The following ENAH variants were observed in gnomAD, a reference collection of about 807,000 sequenced individuals.
The protein encoded by ENAH is ENAH actin regulator.
A neutral mutation model predicts 78.7 loss-of-function variants in ENAH; 23 were observed. The ratio of observed to expected loss-of-function variants is 0.29; its 90% CI spans 0.21 to 0.41. The LOEUF (loss-of-function observed/expected upper bound fraction) is 0.41. Ranked by LOEUF, ENAH falls within the 10% of genes least tolerant of loss-of-function variation. ENAH has a pLI of 1.00. For missense variants in ENAH, 544 were observed against 691.0 expected (o/e 0.79, Z 2.39); for synonymous variants, 226 against 241.0 (o/e 0.94, Z 0.58).
intron 1 of ENAH, among the ~76,000 whole-genome samples, chr1:225,604,621 C>CAAAAAAAAAA (rs762454618): frequency 1.1e-5 from 1 of 88,940 alleles, no homozygotes; most frequent in African/African-American, 3.8e-5. Context: ...CCGTCTCTAC[C>CAAAAAAAAAA]AAAAAAAAAA....
intron 11 of ENAH, among the ~76,000 whole-genome samples, chr1:225,503,676 A>AAAC (rs1553413081): frequency 1.5e-3 from 228 of 149,270 alleles, no homozygotes; most frequent in African/African-American, 5.3e-3. Flanking sequence ...AAAAAAAAAA[A>AAAC]AACACAAAAC....
At chr1:225,501,372 T>C (rs1331800172) in intron 11 of ENAH, 4 of 276,000 alleles carry the variant, frequency 1.4e-5, no homozygotes, top group Non-Finnish European at 2.7e-5. Flanking sequence ...ACGTGGCACG[T>C]TGACCAAAAC....
intron 11 of ENAH, 39 bp downstream of exon 11, chr1:225,507,912 T>C: frequency 7.1e-6 from 10 of 1,404,540 alleles, no homozygotes; most frequent in African/African-American, 1.5e-5. Context: ...TTTTTTTTTA[T>C]ACAAATAAAA....
intron 3 of ENAH, among the ~76,000 whole-genome samples, chr1:225,544,918 C>G (rs2096606316): frequency 6.6e-6 from 1 of 152,110 alleles, no homozygotes; most frequent in Non-Finnish European, 1.5e-5. Context: ...ACAACAGTTA[C>G]TGCTATTAAA....
At chr1:225,577,797 C>T (rs1245265909) in intron 1 of ENAH, among the ~76,000 whole-genome samples, 2 of 151,998 alleles carry the variant, frequency 1.3e-5, no homozygotes, top group African/African-American at 2.4e-5. Context: ...TAGGGGAAAA[C>T]GTTAAAGGTT....
At chr1:225,524,804 G>A (rs1374910026) in intron 4 of ENAH, 2 of 326,622 alleles carry the variant, frequency 6.1e-6, no homozygotes, top group Non-Finnish European at 8.8e-6. Flanking sequence ...GACTAACATA[G>A]GACTGACTCA....
chr1:225,623,282 T>C (rs1657333084), intron 1 of ENAH, among the ~76,000 whole-genome samples: 1 of 152,174 alleles, frequency 6.6e-6, no homozygotes, highest in Admixed American at 6.6e-5. Flanking sequence ...TGGCTTAATA[T>C]TGGTAAAAAT....
chr1:225,495,088 TCA>T lies in ENAH; in HGVS notation c.*2685_*2686del, dbSNP rs2096243165. 1 of 152,626 alleles carries T rather than the reference TCA, an allele frequency of 6.6e-6. No individual in the cohort carries two copies. The highest frequency in any genetic ancestry group is 2.4e-5 in the African/African-American group (1 of 41,454). 9.5% of individuals were successfully genotyped at this position (152,626 alleles called of 1,614,324 possible). ...AGCACCAGCACTAAGATTTGTACAT[TCA>T]GTTTGTTTGCAATTGACTTGTGAGC... On this transcript the variant is annotated 3_prime_UTR_variant, in exon 14 of 14. Coordinates refer to ENST00000366843, the MANE Select transcript of ENAH (RefSeq NM_018212.6).
intron 11 of ENAH, among the ~76,000 whole-genome samples, chr1:225,507,208 A>C (rs1156707604): frequency 6.6e-6 from 1 of 152,130 alleles, no homozygotes; most frequent in Non-Finnish European, 1.5e-5. Flanking sequence ...ACTTGATTAC[A>C]CTTACAAGTT....
chr1:225,631,795 GTTGTT>G (rs149710975), intron 1 of ENAH, among the ~76,000 whole-genome samples: 42 of 152,002 alleles, frequency 2.8e-4, no homozygotes, highest in East Asian at 3.9e-4. Context: ...GCAAGAGTTA[GTTGTT>G]TTGTTTTGTT....
chr1:225,552,961 C>T (rs1051167485), intron 3 of ENAH, among the ~76,000 whole-genome samples: 4 of 152,150 alleles, frequency 2.6e-5, no homozygotes, highest in Non-Finnish European at 5.9e-5. Context: ...AGGCTGTGCA[C>T]GGTGGCTCAT....
intron 4 of ENAH, among the ~76,000 whole-genome samples, chr1:225,528,536 T>A (rs1057485320): frequency 4.6e-5 from 7 of 152,120 alleles, no homozygotes; most frequent in Admixed American, 2.0e-4. Context: ...TGGACTCTTA[T>A]TCGGGTTGGT....
chr1:225,540,361 A>G (rs549722009), intron 3 of ENAH, among the ~76,000 whole-genome samples: 2 of 152,218 alleles, frequency 1.3e-5, no homozygotes, highest in Non-Finnish European at 2.9e-5. Flanking sequence ...TCCTTTAACC[A>G]AGATAGGTGT....
At chr1:225,501,583 T>G (rs913671816) in intron 11 of ENAH, among the ~76,000 whole-genome samples, 10 of 152,214 alleles carry the variant, frequency 6.6e-5, no homozygotes, top group African/African-American at 2.4e-4. Context: ...ACATTTTTAG[T>G]GAGCATGATT....
intron 1 of ENAH, among the ~76,000 whole-genome samples, chr1:225,650,495 G>A (rs1195317494): frequency 6.6e-6 from 1 of 152,032 alleles, no homozygotes; most frequent in African/African-American, 2.4e-5. Flanking sequence ...TACCCAAAAC[G>A]GTAACTTTTT....
chr1:225,650,966 G>A (rs1662884143), intron 1 of ENAH, among the ~76,000 whole-genome samples: 1 of 149,374 alleles, frequency 6.7e-6, no homozygotes, highest in Middle Eastern at 3.6e-3. Flanking sequence ...AGATCCCTAC[G>A]GCATTAGATC....
chr1:225,544,829 T>C (rs1188911237), intron 3 of ENAH, among the ~76,000 whole-genome samples: 1 of 152,196 alleles, frequency 6.6e-6, no homozygotes, highest in East Asian at 1.9e-4. Flanking sequence ...CAGATATAAT[T>C]ATGAAAAAAT....
intron 4 of ENAH, among the ~76,000 whole-genome samples, chr1:225,521,734 TAAG>T (rs1413398892): frequency 6.6e-6 from 1 of 152,122 alleles, no homozygotes; most frequent in Non-Finnish European, 1.5e-5. Flanking sequence ...AAAAGCTCTT[TAAG>T]AAGTACTTGA....
chr1:225,611,476 G>A (rs995363839), intron 1 of ENAH, among the ~76,000 whole-genome samples: 7 of 151,932 alleles, frequency 4.6e-5, no homozygotes, highest in East Asian at 1.9e-4. Context: ...GCATCACCAC[G>A]CCCAGCTAAT....
Sources: gnomAD v4.1 joint callset for allele counts (sites outside exome capture counted in the v4.1 genomes callset) on GRCh38, gnomAD v4.1.1 for gene constraint, MANE v1.5 for transcripts, NCBI Gene and HGNC (gene_info 2026-07-23, HGNC 2026-07-21) for gene names.